Variants in RASEF observed in about 807,000 individuals in gnomAD.
RASEF encodes ras and EF-hand domain-containing protein.
A neutral mutation model predicts 90.1 loss-of-function variants in RASEF; 68 were observed. The observed-to-expected ratio is 0.75, with a 90% CI of 0.62 to 0.92. The LOEUF is 0.92. Ranked by LOEUF, RASEF falls within the 40% of genes least tolerant of loss-of-function variation. The pLI, the probability that RASEF is intolerant of heterozygous loss-of-function variation, is 0.00. For missense variants in RASEF, 949 were observed against 937.2 expected (o/e 1.01, Z -0.16); for synonymous variants, 331 against 345.2 (o/e 0.96, Z 0.46).
rs775590384 is a variant in RASEF, at chr9:83,062,676, G to A, written c.192C>T (p.Phe64=). The change falls in exon 1 of 17, where the codon TTC becomes TTT. Residue 64 remains phenylalanine (F), a synonymous_variant. Coordinates refer to ENST00000376447, the MANE Select transcript of RASEF (RefSeq NM_152573.4). ...LDADRDGAIT[F]QEFARGFLGS... Reference sequence around the variant, plus strand: ...CGAGGAAGCCACGCGCGAACTCCTGGAAGGTGATGGCGCCGTCACGGTCGG... The same window carrying A: ...CGAGGAAGCCACGCGCGAACTCCTGAAAGGTGATGGCGCCGTCACGGTCGG... The A allele has an allele frequency of 5.7e-6, 9 of 1,575,072 alleles. No individual in the cohort carries two copies. The highest frequency in any genetic ancestry group is 5.4e-5 in the African/African-American group (4 of 74,274).
chr9:83,159,851 AG>A, the RASEF span, among the ~76,000 whole-genome samples: 1 of 152,086 alleles, frequency 6.6e-6, no homozygotes, highest in African/African-American at 2.4e-5. Context: ...ACCCAGTGGG[AG>A]GTGATTGAAT....
the RASEF span, among the ~76,000 whole-genome samples, chr9:83,099,727 G>A: frequency 1.3e-3 from 199 of 152,302 alleles, 1 homozygote; most frequent in African/African-American, 4.6e-3. Flanking sequence ...ACTGCGCTTT[G>A]CTTGGTGAGC....
the RASEF span, among the ~76,000 whole-genome samples, chr9:83,192,954 C>T: frequency 3.7e-3 from 566 of 152,202 alleles, 3 homozygotes; most frequent in African/African-American, 0.013. Flanking sequence ...GCCAATGTGC[C>T]CAGGATTCTA....
At position 83,055,528 on chromosome 9, in the gene RASEF, G is replaced by A. The variant is rs1830087278; in HGVS notation, c.431+6909C>T. 4 of 704,108 alleles carry A rather than the reference G, an allele frequency of 5.7e-6. No individual in the cohort carries two copies. The East Asian group carries it at 1.1e-4, about 19-fold the overall frequency. 43.6% of individuals were successfully genotyped at this position (704,108 alleles called of 1,614,324 possible). A position where few individuals can be genotyped will look rare whatever the true frequency, so the allele number is the denominator to read the frequency against. The stretch of plus-strand genomic sequence containing the variant: ...TTCTGCGTCGCTCACGCTGGGAGCT[G>A]TAGACCGGAGCTGTTCCTATTCGGC... On this transcript the variant is annotated intron_variant, in intron 1 of 16. Coordinates refer to ENST00000376447, the MANE Select transcript of RASEF (RefSeq NM_152573.4).
At chr9:83,102,221 C>T in the RASEF span, among the ~76,000 whole-genome samples, 1 of 152,122 alleles carries the variant, frequency 6.6e-6, no homozygotes, top group Admixed American at 6.5e-5. Context: ...GGATTATAGG[C>T]GCCCGCCACC....
the RASEF span, among the ~76,000 whole-genome samples, chr9:83,077,768 T>C: frequency 6.6e-6 from 1 of 152,174 alleles, no homozygotes; most frequent in African/African-American, 2.4e-5. Context: ...GAGGGAACCA[T>C]CTGTTTTGGA....
the RASEF span, among the ~76,000 whole-genome samples, chr9:83,135,627 A>G: frequency 6.6e-6 from 1 of 152,170 alleles, no homozygotes; most frequent in African/African-American, 2.4e-5. Context: ...AAAAATAAGT[A>G]CAGTTAATAT....
chr9:83,077,992 T>C, the RASEF span, among the ~76,000 whole-genome samples: 3,137 of 152,304 alleles, frequency 0.021, 87 homozygotes, highest in African/African-American at 0.071. Context: ...TCAAAAAGGC[T>C]TCTTCTGGGA....
chr9:83,103,685 T>C, the RASEF span, among the ~76,000 whole-genome samples: 1 of 152,192 alleles, frequency 6.6e-6, no homozygotes, highest in East Asian at 1.9e-4. Context: ...ATTACTATTA[T>C]ATAAAAACCC....
chr9:83,066,427 CAG>C (rs1830282929), upstream of RASEF, among the ~76,000 whole-genome samples: 1 of 152,208 alleles, frequency 6.6e-6, no homozygotes, highest in African/African-American at 2.4e-5. Context: ...GCAATATACT[CAG>C]GGGAAAGCCA....
At chr9:83,153,031 A>G in the RASEF span, among the ~76,000 whole-genome samples, 1 of 152,208 alleles carries the variant, frequency 6.6e-6, no homozygotes, top group Non-Finnish European at 1.5e-5. Context: ...TTTTGCCATG[A>G]AGGACCACTT....
chr9:83,132,042 C>T, the RASEF span, among the ~76,000 whole-genome samples: 1 of 152,166 alleles, frequency 6.6e-6, no homozygotes, highest in Non-Finnish European at 1.5e-5. Flanking sequence ...ATTTCCCATC[C>T]TACATGTTCT....
At chr9:83,072,444 T>TTTA in the RASEF span, among the ~76,000 whole-genome samples, 1 of 151,792 alleles carries the variant, frequency 6.6e-6, no homozygotes, top group Admixed American at 6.6e-5. Flanking sequence ...TGAAAGGGAG[T>TTTA]TTATTAAGGA....
upstream of RASEF, among the ~76,000 whole-genome samples, chr9:83,063,616 T>A (rs527523768): frequency 6.6e-6 from 1 of 152,308 alleles, no homozygotes; most frequent in East Asian, 1.9e-4. Flanking sequence ...TAAACACAGA[T>A]CTTCCAGATC....
the RASEF span, among the ~76,000 whole-genome samples, chr9:83,144,326 G>GAAA: frequency 1.0e-4 from 4 of 39,436 alleles, no homozygotes; most frequent in African/African-American, 4.0e-4. Context: ...AAAGAAAGAA[G>GAAA]GAAAGAAAGA....
At chr9:83,062,352 A>C in intron 1 of RASEF, 85 bp downstream of exon 1, 2 of 1,312,644 alleles carry the variant, frequency 1.5e-6, no homozygotes, top group Middle Eastern at 1.8e-4. Flanking sequence ...GGGGGGGGCC[A>C]TTGGGTCTGC....
At chr9:83,028,115 A>G (rs1237850990) in intron 1 of RASEF, among the ~76,000 whole-genome samples, 1 of 152,222 alleles carries the variant, frequency 6.6e-6, no homozygotes, top group Non-Finnish European at 1.5e-5. Context: ...TTACCATAAT[A>G]CCAGCATCAA....
At chr9:83,212,811 CAAGGGAGAGGCA>C in the RASEF span, among the ~76,000 whole-genome samples, 1 of 152,084 alleles carries the variant, frequency 6.6e-6, no homozygotes, top group Non-Finnish European at 1.5e-5. Flanking sequence ...GAGCAGAAGT[CAAGGGAGAGGCA>C]AAGGGAATGG....
At chr9:83,092,062 C>G in the RASEF span, among the ~76,000 whole-genome samples, 241 of 124,440 alleles carry the variant, frequency 1.9e-3, no homozygotes, top group African/African-American at 7.3e-3. Context: ...CATAAATGCC[C>G]CAAGGAGTGC....
Sources: allele counts gnomAD v4.1 joint callset (sites outside exome capture counted in the v4.1 genomes callset), GRCh38; gene constraint gnomAD v4.1.1; transcripts MANE v1.5; gene names NCBI Gene and HGNC (gene_info 2026-07-23, HGNC 2026-07-21).